The following LEMD1 variants were observed in gnomAD, a reference collection of about 807,000 sequenced individuals.
The protein encoded by LEMD1 is LEM domain-containing protein 1.
A neutral mutation model predicts 17.4 loss-of-function variants in LEMD1; 18 were observed. The ratio of observed to expected loss-of-function variants is 1.04; its 90% CI spans 0.72 to 1.54. The LOEUF is 1.54. LEMD1 is among the 40% of genes most tolerant of loss of function. LEMD1 has a pLI of 0.00. For synonymous variants in LEMD1, 88 were observed against 77.8 expected, an observed-to-expected ratio of 1.13 and a Z score of -0.69; for missense variants, 195 against 210.4, an observed-to-expected ratio of 0.93 and a Z score of 0.45.
Position 205,448,322 on chromosome 1 carries a change from G to A in LEMD1, c.-39+1546C>T, listed in dbSNP as rs761833801. On this transcript the variant is annotated intron_variant, in intron 1 of 3. Coordinates refer to the LEMD1 transcript ENST00000367154. The surrounding 1 kb of genome is among the most constrained non-coding windows in gnomAD (Gnocchi z 4.7). ...GAGAAGGAGCTCGCCCCTCACTGTA[G>A]CCCATGGCTTTTAGCCCTACATGAG... 1 of 533,472 alleles carries A rather than the reference G, an allele frequency of 1.9e-6. No individual in the cohort carries two copies. The highest frequency in any genetic ancestry group is 5.5e-5 in the East Asian group (1 of 18,316). 33.0% of individuals were successfully genotyped at this position (533,472 alleles called of 1,614,324 possible).
In LEMD1 at chr1:205,411,215, A is replaced by G. The variant is rs188310100; in HGVS notation, c.270+5017T>C. ...GGAAGGAAGGAAGGAAGAAAGAAAG[A>G]AAGGAAGGAAGGAGGGAGGGAGGGA... On this transcript the variant is annotated intron_variant, in intron 4 of 5. Transcript: ENST00000367153. Among the ~76,000 whole-genome samples, 35 of 147,432 alleles carry G rather than the reference A, an allele frequency of 2.4e-4. No individual in the cohort carries two copies. The East Asian group carries it at 3.3e-3, about 14-fold the overall frequency.
chr1:205,439,558 G>A (rs1272679141), intron 1 of LEMD1, among the ~76,000 whole-genome samples: 1 of 152,188 alleles, frequency 6.6e-6, no homozygotes, highest in African/African-American at 2.4e-5. Context: ...CTCCCTAGTT[G>A]CCCAGAGAGG....
intron 4 of LEMD1, among the ~76,000 whole-genome samples, chr1:205,406,069 G>A (rs1665082695): frequency 6.6e-6 from 1 of 152,232 alleles, no homozygotes; most frequent in African/African-American, 2.4e-5. Context: ...TGGAAGTTTT[G>A]TCTCAGAGGA....
chr1:205,419,384 G>C (rs1370391254), intron 2 of LEMD1, 32 bp from the exon 3 acceptor site: 1 of 1,613,414 alleles, frequency 6.2e-7, no homozygotes, highest in South Asian at 1.1e-5. Context: ...AAATTAAATT[G>C]TTCTGTTTTT....
rs147759368 is a variant in LEMD1 at position 205,409,663 on chromosome 1, T to C, written c.270+6569A>G. On this transcript the variant is annotated intron_variant, in intron 4 of 5. Transcript: ENST00000367153. ...TTGCCCAGGCTGGAGTACAGTGGCA[T>C]GAACTTGGCTCACTGCAGCCTCAAC... Among the ~76,000 whole-genome samples, 1,248 of 151,896 alleles carry C rather than the reference T, an allele frequency of 8.2e-3. 12 individuals are homozygous for C. Among genetic ancestry groups the C allele is most frequent in the African/African-American group, 0.029 (1,191 of 41,400 alleles).
intron 4 of LEMD1, among the ~76,000 whole-genome samples, chr1:205,410,861 C>T (rs914746912): frequency 2.1e-5 from 3 of 146,038 alleles, no homozygotes; most frequent in East Asian, 2.0e-4. Flanking sequence ...AATGAGTCTC[C>T]GTGAGAAAGG....
At chr1:205,442,064 C>T (rs977842936) in intron 1 of LEMD1, among the ~76,000 whole-genome samples, 2 of 152,174 alleles carry the variant, frequency 1.3e-5, no homozygotes, top group African/African-American at 2.4e-5. Context: ...CCTTCCTCTG[C>T]CCCTGGGCCT....
intron 4 of LEMD1, among the ~76,000 whole-genome samples, chr1:205,401,742 A>G (rs2102386671): frequency 6.6e-6 from 1 of 152,066 alleles, no homozygotes; most frequent in East Asian, 1.9e-4. Context: ...TTTTGTTGCC[A>G]TTGCTTTTGG....
chr1:205,388,344 C>T (rs949095936), intron 4 of LEMD1, among the ~76,000 whole-genome samples: 1 of 151,302 alleles, frequency 6.6e-6, no homozygotes, highest in African/African-American at 2.4e-5. Flanking sequence ...ATTACAGGCG[C>T]GAGCCACAAC....
intron 1 of LEMD1, among the ~76,000 whole-genome samples, chr1:205,433,768 A>G (rs142685507): frequency 1.4e-4 from 21 of 152,352 alleles, no homozygotes; most frequent in Non-Finnish European, 3.1e-4. Flanking sequence ...GCTAGGCATC[A>G]TGGTGGCTGA....
intron 4 of LEMD1, among the ~76,000 whole-genome samples, chr1:205,392,039 A>G (rs1171797240): frequency 1.3e-5 from 2 of 151,448 alleles, no homozygotes; most frequent in Non-Finnish European, 2.9e-5. Context: ...TGAACCCGGG[A>G]GGCGGAGGTT....
At chr1:205,382,893 T>A (rs1308999723) in intron 5 of LEMD1, among the ~76,000 whole-genome samples, 1 of 152,190 alleles carries the variant, frequency 6.6e-6, no homozygotes, top group African/African-American at 2.4e-5. Flanking sequence ...GCAAGAGCCT[T>A]ATGTTTCCAC....
chr1:205,428,273 G>T (rs1666082130), intron 1 of LEMD1, among the ~76,000 whole-genome samples: 1 of 152,128 alleles, frequency 6.6e-6, no homozygotes, highest in Non-Finnish European at 1.5e-5. Context: ...TTACCAAAAA[G>T]CTTGGAGCAG....
chr1:205,432,284 A>G (rs1666135459), intron 1 of LEMD1, among the ~76,000 whole-genome samples: 1 of 152,204 alleles, frequency 6.6e-6, no homozygotes, highest in Non-Finnish European at 1.5e-5. Context: ...GGAAGTTCAG[A>G]GAGCCCCCAG....
chr1:205,401,974 G>A (rs1453759205), intron 4 of LEMD1, among the ~76,000 whole-genome samples: 1 of 152,066 alleles, frequency 6.6e-6, no homozygotes, highest in African/African-American at 2.4e-5. Context: ...TTTCCCCATT[G>A]CTTGTTTTTC....
rs1665915197 is a variant in LEMD1 at position 205,420,527 on chromosome 1, C to T, written c.10G>A (p.Val4Met). 3.1e-6 allele frequency: 5 copies of T among 1,613,778 alleles called. No homozygotes were observed. Among genetic ancestry groups the T allele is most frequent in the Non-Finnish European group, 4.2e-6 (5 of 1,179,704 alleles). MVDVKCLSDCKLQN... is the reference protein window; with the variant it reads MVDMKCLSDCKLQN... ...AATTTACAGTCACTCAGACACTTCA[C>T]ATCCACCATGATGATAGAAGTTTGG... Residue 4 changes from valine (V) to methionine (M), a missense_variant, in exon 2 of 6, where the codon GTG (valine) becomes ATG (methionine). By Grantham distance (21) the Val-to-Met change is conservative (BLOSUM62 1). Transcript: ENST00000367153.
chr1:205,422,126 GACA>G (rs1665983477), upstream of LEMD1: 1 of 152,188 alleles, frequency 6.6e-6, no homozygotes, highest in Non-Finnish European at 1.5e-5. Flanking sequence ...CTGACAGTGT[GACA>G]TCAGTAACCC....
intron 3 of LEMD1, among the ~76,000 whole-genome samples, chr1:205,416,891 A>G (rs1665720363): frequency 6.6e-6 from 1 of 152,190 alleles, no homozygotes; most frequent in Admixed American, 6.5e-5. Context: ...CTCCCCACTG[A>G]CAAGACAGTC....
At position 205,448,782 on chromosome 1, in the gene LEMD1, T is replaced by TG. The variant is rs1047142869; in HGVS notation, c.-39+1085dup. Among the ~76,000 whole-genome samples, 23 of 152,102 alleles carry TG rather than the reference T, an allele frequency of 1.5e-4. No homozygotes were observed. The highest frequency in any genetic ancestry group is 9.8e-4 in the Admixed American group (15 of 15,272). On this transcript the variant is annotated intron_variant, in intron 1 of 3. Transcript: ENST00000367154. This position sits in a 1 kb window ranked among gnomAD's most constrained non-coding sequence, Gnocchi z 4.7. ...AGGCTGCTGCTGCCAGTACCCAGGATGGGGGGCCCCAGGTTAGGCTCCCTC... is the reference window on the plus strand; with the variant it reads ...AGGCTGCTGCTGCCAGTACCCAGGATGGGGGGGCCCCAGGTTAGGCTCCCTC...
Sources: gnomAD v4.1 joint callset for allele counts (sites outside exome capture counted in the v4.1 genomes callset) on GRCh38, gnomAD v4.1.1 for gene constraint, Gnocchi (gnomAD v3.1) non-coding constraint, MANE v1.5 for transcripts, NCBI Gene and HGNC (gene_info 2026-07-23, HGNC 2026-07-21) for gene names.